The following MAST4 variants were observed in gnomAD, a reference collection of about 807,000 sequenced individuals.
MAST4 encodes the protein microtubule associated serine/threonine kinase family member 4, also known as microtubule-associated serine/threonine-protein kinase 4.
A neutral mutation model predicts 162.7 loss-of-function variants in MAST4; 89 were observed. The ratio of observed to expected loss-of-function variants is 0.55; its 90% CI spans 0.46 to 0.65. The LOEUF (loss-of-function observed/expected upper bound fraction) is 0.65. MAST4 is among the 30% of genes least tolerant of loss of function. MAST4 has a pLI of 0.00. For missense variants in MAST4, 3,153 were observed against 3,374.0 expected, an observed-to-expected ratio of 0.93 and a Z score of 1.62; for synonymous variants, 1,479 against 1,361.1, an observed-to-expected ratio of 1.09 and a Z score of -1.91.
At chr5:66,837,983 CAAT>C (rs572799000) in intron 3 of MAST4, among the ~76,000 whole-genome samples, 116 of 143,050 alleles carry the variant, frequency 8.1e-4, no homozygotes, top group African/African-American at 2.9e-3. Context: ...CAAATAACAA[CAAT>C]GATAGTAACA....
intron 4 of MAST4, among the ~76,000 whole-genome samples, chr5:67,033,689 G>A (rs1253748763): frequency 3.3e-5 from 5 of 152,114 alleles, no homozygotes; most frequent in African/African-American, 9.7e-5. Flanking sequence ...TGACTCTCCC[G>A]TGGGAAGACA....
chr5:67,078,720 T>TTATATTTATCTAAATA (rs1293989402), intron 5 of MAST4, among the ~76,000 whole-genome samples: 2 of 116,432 alleles, frequency 1.7e-5, no homozygotes, highest in African/African-American at 8.6e-5. Context: ...TTTATTTATA[T>TTATATTTATCTAAATA]TATATTTATA....
intron 4 of MAST4, among the ~76,000 whole-genome samples, chr5:66,936,077 A>C (rs1051842215): frequency 1.3e-5 from 2 of 152,152 alleles, no homozygotes; most frequent in Admixed American, 6.6e-5. Context: ...CTAGTAACTG[A>C]CAGAGGATCC....
chr5:66,643,023 G>A (rs951134314), intron 1 of MAST4, among the ~76,000 whole-genome samples: 1 of 152,036 alleles, frequency 6.6e-6, no homozygotes, highest in Non-Finnish European at 1.5e-5. Flanking sequence ...TCAGAACATG[G>A]ACCGTTTAAT....
chr5:66,602,508 A>ATT (rs577784590), intron 1 of MAST4, among the ~76,000 whole-genome samples: 197 of 145,232 alleles, frequency 1.4e-3, no homozygotes, highest in South Asian at 4.2e-3. Context: ...GTCCAGGCGG[A>ATT]TTTTTTTTTT....
chr5:66,689,298 A>C (rs1166074300), intron 1 of MAST4, among the ~76,000 whole-genome samples: 1 of 152,158 alleles, frequency 6.6e-6, no homozygotes, highest in Non-Finnish European at 1.5e-5. Context: ...CTCTTAGAAG[A>C]GAGACCAGGG....
chr5:66,860,241 C>G (rs1437473576), intron 3 of MAST4, among the ~76,000 whole-genome samples: 3 of 152,198 alleles, frequency 2.0e-5, no homozygotes, highest in Non-Finnish European at 4.4e-5. Flanking sequence ...ATAAACATTA[C>G]AGTAGTTGAT....
intron 1 of MAST4, among the ~76,000 whole-genome samples, chr5:66,713,796 G>GT (rs1750645008): frequency 6.6e-6 from 1 of 152,176 alleles, no homozygotes; most frequent in African/African-American, 2.4e-5. Flanking sequence ...TTCTAATCTA[G>GT]TTTGGTGATC....
chr5:66,729,344 A>G (rs1380746837), intron 1 of MAST4, among the ~76,000 whole-genome samples: 1 of 152,212 alleles, frequency 6.6e-6, no homozygotes, highest in African/African-American at 2.4e-5. Flanking sequence ...TTACATTACA[A>G]ATGAAATATC....
At chr5:66,960,209 GC>G (rs1168097224) in intron 4 of MAST4, among the ~76,000 whole-genome samples, 3 of 152,162 alleles carry the variant, frequency 2.0e-5, no homozygotes, top group African/African-American at 7.2e-5. Context: ...TGAGAACTGT[GC>G]TTGGTTCTGA....
At chr5:66,675,532 G>T (rs1259917907) in intron 1 of MAST4, among the ~76,000 whole-genome samples, 2 of 152,092 alleles carry the variant, frequency 1.3e-5, no homozygotes, top group Non-Finnish European at 2.9e-5. Context: ...TCATGTACAA[G>T]TCATAACTGA....
At chr5:66,985,651 G>A (rs2150255955) in intron 4 of MAST4, among the ~76,000 whole-genome samples, 1 of 152,234 alleles carries the variant, frequency 6.6e-6, no homozygotes, top group Admixed American at 6.5e-5. Context: ...CTTTGAAGTA[G>A]GTAAGATACG....
At chr5:67,069,414 C>A (rs1240053087) in intron 5 of MAST4, among the ~76,000 whole-genome samples, 2 of 151,040 alleles carry the variant, frequency 1.3e-5, no homozygotes, top group Admixed American at 6.6e-5. Flanking sequence ...TTAATATATA[C>A]CTGCCTTGTG....
At position 66,656,509 on chromosome 5, in the gene MAST4, C is replaced by G. The variant is rs542570106; in HGVS notation, c.363+59491C>G. On this transcript the variant is annotated intron_variant, in intron 1 of 28. Transcript: ENST00000403625. ...AAGCTTGTATGTCTCACCCATCAGT[C>G]ACAGGGTTATCTGGTCTTTTGTAAT... Among the ~76,000 whole-genome samples, 3 of 152,230 alleles carry G rather than the reference C, an allele frequency of 2.0e-5. No homozygotes were observed. In the South Asian group the frequency reaches 6.2e-4, roughly 32 times the overall value.
At chr5:67,091,879 A>G (rs1763902125) in intron 6 of MAST4, among the ~76,000 whole-genome samples, 1 of 152,206 alleles carries the variant, frequency 6.6e-6, no homozygotes, top group African/African-American at 2.4e-5. Context: ...GGAGACCTCT[A>G]GTTCATTTTG....
At chr5:66,746,626 T>C (rs1752774782) in intron 1 of MAST4, among the ~76,000 whole-genome samples, 1 of 152,124 alleles carries the variant, frequency 6.6e-6, no homozygotes, top group African/African-American at 2.4e-5. Flanking sequence ...AGATGATGGG[T>C]GAGCAGTATA....
chr5:67,165,584 G>A lies in MAST4; in HGVS notation c.6405G>A (p.Pro2135=), dbSNP rs892343063. The part of the protein sequence containing the change: ...PLQRHPSSIP[P]PPLTAKDLSS... ...AAAGGCATCCCAGCAGCATCCCTCC[G>A]CCCCCTCTGACGGCCAAAGACCTGT... is the stretch of plus-strand genomic sequence containing the variant. Residue 2135 remains proline (P), a synonymous_variant, in exon 29 of 29, where the codon CCG becomes CCA. Transcript: ENST00000403625. The A allele has an allele frequency of 2.5e-6, 4 of 1,613,790 alleles. No homozygotes were observed. The highest frequency in any genetic ancestry group is 2.2e-5 in the East Asian group (1 of 44,878).
intron 4 of MAST4, chr5:66,959,087 G>A: frequency 1.6e-6 from 1 of 638,246 alleles, no homozygotes; most frequent in East Asian, 2.7e-5. Context: ...CTTGATTACG[G>A]CTAGAGGTGG....
chr5:66,734,477 T>C (rs1470103411), intron 1 of MAST4, among the ~76,000 whole-genome samples: 1 of 152,236 alleles, frequency 6.6e-6, no homozygotes, highest in Non-Finnish European at 1.5e-5. Context: ...CTACCTCATT[T>C]GCATCAATTT....
Sources: allele counts gnomAD v4.1 joint callset (sites outside exome capture counted in the v4.1 genomes callset), GRCh38; gene constraint gnomAD v4.1.1; transcripts MANE v1.5; gene names NCBI Gene and HGNC (gene_info 2026-07-23, HGNC 2026-07-21).